SGCD: variants seen among roughly 807,000 people sequenced by gnomAD.
SGCD encodes delta-sarcoglycan.
A neutral mutation model predicts 36.6 loss-of-function variants in SGCD; 18 were observed. The observed-to-expected ratio is 0.49, with a 90% CI of 0.34 to 0.73. SGCD has a LOEUF of 0.73. Among genes scored for constraint, SGCD ranks in the 30% least tolerant of loss-of-function variants. The probability of loss-of-function intolerance (pLI) is 0.01; values close to 1 mark genes in which losing one functional copy is unlikely to be tolerated. For missense variants in SGCD, 387 were observed against 346.7 expected (o/e 1.12, Z -0.92); for synonymous variants, 133 against 130.6 (o/e 1.02, Z -0.12).
the SGCD span, among the ~76,000 whole-genome samples, chr5:155,763,861 A>G: frequency 1.7e-5 from 2 of 116,696 alleles, no homozygotes; most frequent in Non-Finnish European, 3.5e-5. Context: ...TCAATTATAT[A>G]CCTCTCTCTC....
intron 3 of SGCD, among the ~76,000 whole-genome samples, chr5:156,145,513 G>A (rs1762689429): frequency 1.3e-5 from 2 of 152,008 alleles, no homozygotes; most frequent in South Asian, 2.1e-4. Flanking sequence ...AGATTTTTAG[G>A]CCCCTCTATA....
chr5:155,836,465 T>G, the SGCD span, among the ~76,000 whole-genome samples: 1 of 108,448 alleles, frequency 9.2e-6, no homozygotes, highest in African/African-American at 4.5e-5. Flanking sequence ...CTACCTCTGA[T>G]ACCCACCCCC....
At chr5:156,473,878 G>A (rs1755073031) in intron 3 of SGCD, among the ~76,000 whole-genome samples, 1 of 151,870 alleles carries the variant, frequency 6.6e-6, no homozygotes, top group African/African-American at 2.4e-5. Flanking sequence ...TGCTGTATGT[G>A]TCAAGAAGTA....
At chr5:156,365,591 C>T (rs1169982940) in intron 3 of SGCD, among the ~76,000 whole-genome samples, 1 of 152,102 alleles carries the variant, frequency 6.6e-6, no homozygotes, top group Non-Finnish European at 1.5e-5. Flanking sequence ...TTTCTTTCCC[C>T]ACATACATAT....
chr5:156,507,325 A>G (rs1360212237), intron 3 of SGCD, among the ~76,000 whole-genome samples: 1 of 152,198 alleles, frequency 6.6e-6, no homozygotes, highest in Non-Finnish European at 1.5e-5. Context: ...CTGACTTTGA[A>G]GATGGAAGTG....
intron 3 of SGCD, among the ~76,000 whole-genome samples, chr5:156,482,813 GTTTTT>G (rs3074979): frequency 2.4e-5 from 2 of 83,380 alleles, no homozygotes; most frequent in Non-Finnish European, 4.2e-5. Flanking sequence ...CTTTTGGTCA[GTTTTT>G]TTTTTTTTTT....
At chr5:155,762,286 G>A in the SGCD span, among the ~76,000 whole-genome samples, 1 of 152,076 alleles carries the variant, frequency 6.6e-6, no homozygotes, top group Admixed American at 6.6e-5. Flanking sequence ...TGGAATTTAG[G>A]TTATCTATCT....
chr5:156,675,977 A>C (rs1753491500), intron 7 of SGCD, among the ~76,000 whole-genome samples: 1 of 152,192 alleles, frequency 6.6e-6, no homozygotes, highest in Non-Finnish European at 1.5e-5. Context: ...GCTACGTTTT[A>C]TTCCTGTTGC....
rs544028996 is a variant in SGCD, at chr5:156,611,957, C to A, written c.502+16906C>A. Among the ~76,000 whole-genome samples the A allele has an allele frequency of 1.4e-3, 209 of 152,294 alleles. 1 individual carries two copies. Among genetic ancestry groups the A allele is most frequent in the Admixed American group, 2.2e-3 (33 of 15,300 alleles). On this transcript the variant is annotated intron_variant, in intron 6 of 8. Coordinates refer to ENST00000337851, the MANE Select transcript of SGCD (RefSeq NM_000337.6). ...TTATAATTATCTCTGTTGAATTTCTCATTCAGATGATGAATTTTTTCCTAT... is the reference window on the plus strand; with the variant it reads ...TTATAATTATCTCTGTTGAATTTCTAATTCAGATGATGAATTTTTTCCTAT...
At chr5:156,757,184 T>C (rs974314248) in intron 7 of SGCD, among the ~76,000 whole-genome samples, 1 of 124,286 alleles carries the variant, frequency 8.0e-6, no homozygotes, top group African/African-American at 3.1e-5. Flanking sequence ...CCATGGAAGA[T>C]ACAGAAGCAG....
chr5:156,504,388 GTGTGTATATATA>G (rs1174862898), intron 3 of SGCD, among the ~76,000 whole-genome samples: 7 of 77,322 alleles, frequency 9.1e-5, no homozygotes, highest in African/African-American at 5.4e-4. Context: ...GTGGGTGTGT[GTGTGTATATATA>G]TATATATATA....
chr5:156,418,481 C>A (rs2127775581), intron 3 of SGCD, among the ~76,000 whole-genome samples: 1 of 152,260 alleles, frequency 6.6e-6, no homozygotes, highest in South Asian at 2.1e-4. Flanking sequence ...CAGCCTCCAC[C>A]ACCATCACCT....
chr5:156,047,639 C>T (rs62380697), intron 1 of SGCD, among the ~76,000 whole-genome samples: 2,587 of 152,196 alleles, frequency 0.017, 35 homozygotes, highest in Middle Eastern at 0.027. Flanking sequence ...CTAAGACTTA[C>T]AGCTTGGGGG....
At chr5:156,609,654 C>G (rs943949768) in intron 6 of SGCD, among the ~76,000 whole-genome samples, 3 of 152,194 alleles carry the variant, frequency 2.0e-5, no homozygotes, top group African/African-American at 7.2e-5. Context: ...CAACTTGGTT[C>G]CATTCTCCCC....
At chr5:156,443,966 AT>A (rs1302034450) in intron 3 of SGCD, among the ~76,000 whole-genome samples, 2 of 151,976 alleles carry the variant, frequency 1.3e-5, no homozygotes, top group Non-Finnish European at 2.9e-5. Context: ...CAGAATCTCA[AT>A]TCTTTGAAAT....
chr5:155,743,008 G>A, the SGCD span, among the ~76,000 whole-genome samples: 32 of 152,152 alleles, frequency 2.1e-4, no homozygotes, highest in East Asian at 7.7e-4. Context: ...TTGGGGGCAC[G>A]GAGCTTCCTT....
Position 156,761,080 on chromosome 5 carries a change from A to G in SGCD, c.*1690A>G, listed in dbSNP as rs1422191312. 1 of 152,184 alleles carries G rather than the reference A, an allele frequency of 6.6e-6. No individual in the cohort carries two copies. Among genetic ancestry groups the G allele is most frequent in the Non-Finnish European group, 1.5e-5 (1 of 68,032 alleles). The allele number at this position is 152,184 out of a possible 1,614,324, so 9.4% of individuals were successfully genotyped here. A position where few individuals can be genotyped will look rare whatever the true frequency, so the allele number is the denominator to read the frequency against. On this transcript the variant is annotated 3_prime_UTR_variant, in exon 9 of 9. Coordinates refer to ENST00000337851, the MANE Select transcript of SGCD (RefSeq NM_000337.6). Reference sequence around the variant, plus strand: ...GCATTTGGATTTTTCTTTTCCCTCAACAAGGTTTTACTTTTTCTTACTTTA... The same window carrying G: ...GCATTTGGATTTTTCTTTTCCCTCAGCAAGGTTTTACTTTTTCTTACTTTA...
intron 3 of SGCD, among the ~76,000 whole-genome samples, chr5:156,375,743 G>T (rs1770629957): frequency 6.6e-6 from 1 of 152,132 alleles, no homozygotes. Context: ...ATGTATTTAT[G>T]CCATAAGGAG....
At chr5:156,654,205 A>T (rs892572811) in intron 7 of SGCD, among the ~76,000 whole-genome samples, 2 of 152,146 alleles carry the variant, frequency 1.3e-5, no homozygotes, top group African/African-American at 2.4e-5. Context: ...GCCTTTCTTC[A>T]CAGGGGAGGG....
Sources: allele counts gnomAD v4.1 joint callset (sites outside exome capture counted in the v4.1 genomes callset), GRCh38; gene constraint gnomAD v4.1.1; transcripts MANE v1.5; gene names NCBI Gene and HGNC (gene_info 2026-07-23, HGNC 2026-07-21).